SMG7: variants seen among roughly 807,000 people sequenced by gnomAD.
SMG7 encodes the protein SMG7 nonsense mediated mRNA decay factor.
SMG7 carries 34 observed loss-of-function variants against 148.2 expected under a neutral mutation model. That is an observed-to-expected ratio of 0.23 (90% CI 0.17 to 0.31). The LOEUF (loss-of-function observed/expected upper bound fraction) is 0.31. SMG7 is among the 10% of genes least tolerant of loss of function. The pLI is 1.00. For synonymous variants in SMG7, 492 were observed against 515.1 expected, an observed-to-expected ratio of 0.96 and a Z score of 0.61; for missense variants, 1,114 against 1,408.4, an observed-to-expected ratio of 0.79 and a Z score of 3.35.
At chr1:183,528,077 A>G in intron 6 of SMG7, 50 bp downstream of exon 6, 2 of 1,423,532 alleles carry the variant, frequency 1.4e-6, no homozygotes, top group Non-Finnish European at 2.0e-6. Context: ...TGTTCTTTAT[A>G]ACAATGTGGC....
intron 2 of SMG7, among the ~76,000 whole-genome samples, chr1:183,514,174 T>G (rs1258780073): frequency 6.6e-6 from 1 of 151,102 alleles, no homozygotes; most frequent in Non-Finnish European, 1.5e-5. Context: ...CTAGTGAATC[T>G]TATTCTAATT....
chr1:183,502,201 G>A, intron 1 of SMG7: 3 of 1,176,680 alleles, frequency 2.5e-6, no homozygotes, highest in East Asian at 2.8e-5. Flanking sequence ...TCTTCATAGG[G>A]GTTCTCTGTT....
chr1:183,498,078 A>G (rs1271903263), intron 1 of SMG7, among the ~76,000 whole-genome samples: 1 of 152,194 alleles, frequency 6.6e-6, no homozygotes, highest in East Asian at 1.9e-4. Flanking sequence ...TACCACAATA[A>G]TTTATAGAAT....
chr1:183,551,314 CAA>C (rs753449783), intron 22 of SMG7, 124 bp downstream of exon 22: 9 of 878,104 alleles, frequency 1.0e-5, no homozygotes, highest in Non-Finnish European at 1.5e-5. Flanking sequence ...ACATATATAA[CAA>C]AGTCCTAGAA....
chr1:183,548,529 TAAA>T (rs1309207787), intron 18 of SMG7, among the ~76,000 whole-genome samples: 1 of 151,886 alleles, frequency 6.6e-6, no homozygotes, highest in Non-Finnish European at 1.5e-5. Flanking sequence ...CAACAATGAA[TAAA>T]AAAAACTTCG....
chr1:183,529,472 A>T lies in SMG7; in HGVS notation c.782A>T (p.Tyr261Phe). The T allele has an allele frequency of 6.2e-7, 1 of 1,613,284 alleles. No homozygotes were observed. The highest frequency in any genetic ancestry group is 8.5e-7 in the Non-Finnish European group (1 of 1,179,352). Residue 261 changes from tyrosine (Y) to phenylalanine (F), a missense_variant, in exon 8 of 23, where the codon TAC becomes TTC. Physicochemically the swap from Tyr to Phe is conservative, Grantham distance 22 (BLOSUM62 3). Around this residue, in one of 4 missense-constraint regions of SMG7, gnomAD observed 216 missense variants for 329.1 expected, o/e 0.66. Transcript: ENST00000688051. ...KAFIKFHGHV[Y>F]LSKSLEKLSP... ...TTTATTAAATTCCACGGTCATGTGT[A>T]CCTGAGTAAGAGCTTGGAAAAGTTG... is the stretch of plus-strand genomic sequence containing the variant.
intron 10 of SMG7, among the ~76,000 whole-genome samples, chr1:183,536,790 A>G (rs557745815): frequency 6.6e-6 from 1 of 152,304 alleles, no homozygotes; most frequent in African/African-American, 2.4e-5. Flanking sequence ...TGTATGTGAA[A>G]GCTCTATAAA....
intron 1 of SMG7, among the ~76,000 whole-genome samples, chr1:183,485,852 T>C (rs1359591055): frequency 6.6e-6 from 1 of 152,210 alleles, no homozygotes. Context: ...TTTTAAAAAG[T>C]AACAGATTAC....
intron 1 of SMG7, among the ~76,000 whole-genome samples, chr1:183,505,556 T>G (rs1387946621): frequency 6.6e-6 from 1 of 152,196 alleles, no homozygotes; most frequent in Non-Finnish European, 1.5e-5. Context: ...AATGTACTGA[T>G]CACGTCAGTG....
chr1:183,552,881 C>A lies in SMG7; in HGVS notation c.*950C>A. On this transcript the variant is annotated 3_prime_UTR_variant, in exon 23 of 23. Coordinates refer to ENST00000688051, the MANE Select transcript of SMG7 (RefSeq NM_001375584.1). Reference sequence around the variant, plus strand: ...GTTTTTGTGCCCCCATTCTACTTCCCACCCTCCTGCCCCATCTCCATCCCT... The same window carrying A: ...GTTTTTGTGCCCCCATTCTACTTCCAACCCTCCTGCCCCATCTCCATCCCT... 2 of 1,445,214 alleles carry A rather than the reference C, an allele frequency of 1.4e-6. No individual in the cohort carries two copies. The highest frequency in any genetic ancestry group is 1.8e-6 in the Non-Finnish European group (2 of 1,103,536). 89.5% of individuals were successfully genotyped at this position (1,445,214 alleles called of 1,614,324 possible).
chr1:183,553,121 G>A lies in SMG7; in HGVS notation c.*1190G>A, dbSNP rs1331204058. The A allele has an allele frequency of 2.4e-5, 37 of 1,536,176 alleles. No homozygotes were observed. In the East Asian group the frequency reaches 9.0e-4, roughly 38 times the overall value. ...CTCCACTTTCAGAGTGAAATTCAAGGCAGCACGGACATGTGCCCATCAGGC... is the reference window on the plus strand; with the variant it reads ...CTCCACTTTCAGAGTGAAATTCAAGACAGCACGGACATGTGCCCATCAGGC... On this transcript the variant is annotated 3_prime_UTR_variant, in exon 23 of 23. Transcript: ENST00000688051.
At chr1:183,532,636 T>C (rs1337024310) in intron 8 of SMG7, among the ~76,000 whole-genome samples, 3 of 152,228 alleles carry the variant, frequency 2.0e-5, no homozygotes, top group African/African-American at 7.2e-5. Flanking sequence ...TTCCAGAATA[T>C]GTACTTGCTA....
At chr1:183,535,285 C>T (rs1395026257) in intron 10 of SMG7, among the ~76,000 whole-genome samples, 4 of 151,928 alleles carry the variant, frequency 2.6e-5, no homozygotes, top group Non-Finnish European at 4.4e-5. Flanking sequence ...TCTGTGTGTT[C>T]CCATTTCTTC....
chr1:183,533,347 C>T (rs1487382028), intron 9 of SMG7, 21 bp downstream of exon 9: 1 of 1,601,078 alleles, frequency 6.2e-7, no homozygotes, highest in Non-Finnish European at 8.5e-7. Context: ...AATTACTTAA[C>T]ATGTGCCATC....
chr1:183,505,748 A>G (rs1330346956), intron 1 of SMG7, among the ~76,000 whole-genome samples: 1 of 152,152 alleles, frequency 6.6e-6, no homozygotes, highest in Non-Finnish European at 1.5e-5. Flanking sequence ...TTACCTTCTC[A>G]TATACCCAGC....
chr1:183,485,395 C>T (rs1031426758), intron 1 of SMG7, among the ~76,000 whole-genome samples: 4 of 152,022 alleles, frequency 2.6e-5, no homozygotes, highest in Admixed American at 6.6e-5. Flanking sequence ...GGAAGTGGGC[C>T]GGGTAGTTTT....
At chr1:183,481,519 T>A (rs550808303) in intron 1 of SMG7, among the ~76,000 whole-genome samples, 1 of 152,354 alleles carries the variant, frequency 6.6e-6, no homozygotes, top group South Asian at 2.1e-4. Context: ...CTTTTAAATG[T>A]ACAGTGTACA....
chr1:183,552,904 C>A lies in SMG7; in HGVS notation c.*973C>A. The A allele has an allele frequency of 6.7e-7, 1 of 1,482,512 alleles. No individual in the cohort carries two copies. The highest frequency in any genetic ancestry group is 8.9e-7 in the Non-Finnish European group (1 of 1,117,808). The allele number at this position is 1,482,512 out of a possible 1,614,324, so 91.8% of individuals were successfully genotyped here. On this transcript the variant is annotated 3_prime_UTR_variant, in exon 23 of 23. Coordinates refer to ENST00000688051, the MANE Select transcript of SMG7 (RefSeq NM_001375584.1). ...CCCACCCTCCTGCCCCATCTCCATC[C>A]CTTCTTTTACCCAATGCTGTATGCT... is the stretch of plus-strand genomic sequence containing the variant.
At chr1:183,528,082 T>A in intron 6 of SMG7, 55 bp downstream of exon 6, 1 of 1,361,272 alleles carries the variant, frequency 7.3e-7, no homozygotes, top group Non-Finnish European at 1.0e-6. Context: ...TTTATAACAA[T>A]GTGGCAGATA....
Sources: allele counts gnomAD v4.1 joint callset (sites outside exome capture counted in the v4.1 genomes callset), GRCh38; gene constraint gnomAD v4.1.1; regional missense constraint gnomAD v4.1.1; transcripts MANE v1.5; gene names NCBI Gene and HGNC (gene_info 2026-07-23, HGNC 2026-07-21).